Variants in MYO16 observed in about 807,000 individuals in gnomAD.
MYO16 encodes the protein unconventional myosin-XVI.
Under a neutral mutation model 205.3 loss-of-function variants are expected in MYO16, and 94 were observed. The ratio of observed to expected loss-of-function variants is 0.46; its 90% CI spans 0.39 to 0.54. MYO16 has a LOEUF of 0.54. Ranked by LOEUF, MYO16 falls within the 20% of genes least tolerant of loss-of-function variation. MYO16 has a pLI of 0.00. For synonymous variants in MYO16, 988 were observed against 954.0 expected (o/e 1.04, Z -0.66); for missense variants, 2,315 against 2,387.5 (o/e 0.97, Z 0.63).
At chr13:108,707,693 C>T (rs1883565591) in intron 2 of MYO16, among the ~76,000 whole-genome samples, 2 of 152,178 alleles carry the variant, frequency 1.3e-5, no homozygotes, top group Admixed American at 1.3e-4. Context: ...AAGTCTTTGC[C>T]ACTTACTAAT....
At chr13:108,504,767 C>T in the MYO16 span, among the ~76,000 whole-genome samples, 1 of 147,114 alleles carries the variant, frequency 6.8e-6, no homozygotes, top group African/African-American at 2.5e-5. Flanking sequence ...GATCTCTTGA[C>T]CTTGTGATCC....
intron 22 of MYO16, among the ~76,000 whole-genome samples, chr13:109,011,004 C>T (rs549132580): frequency 7.4e-6 from 1 of 135,950 alleles, no homozygotes; most frequent in African/African-American, 2.8e-5. Context: ...CTTCAGAGGA[C>T]TCCTCATGGG....
chr13:108,547,249 C>T, the MYO16 span, among the ~76,000 whole-genome samples: 2 of 147,902 alleles, frequency 1.4e-5, no homozygotes, highest in South Asian at 4.2e-4. Context: ...TCCAGCCTGG[C>T]CAACAGAGCA....
chr13:109,019,738 G>A lies in MYO16; in HGVS notation c.2623G>A (p.Asp875Asn). The change falls in exon 23 of 35, where the codon GAT (aspartate) becomes AAT (asparagine). Residue 875 changes from aspartate (D) to asparagine (N), a missense_variant. Around this residue, in one of 3 missense-constraint regions of MYO16, gnomAD observed 1,213 missense variants for 1,274.4 expected, o/e 0.95. Transcript: ENST00000457511. ...GCCATCTGGATTTCTCACCTTATTGGATGAAGAAAGTCAAATGATTTGGTC... is the reference window on the plus strand; with the variant it reads ...GCCATCTGGATTTCTCACCTTATTGAATGAAGAAAGTCAAATGATTTGGTC... ...QKPSGFLTLL[D>N]EESQMIWSVE... The A allele has an allele frequency of 1.2e-6, 2 of 1,613,972 alleles. No homozygotes were observed. The highest frequency in any genetic ancestry group is 1.7e-4 in the Middle Eastern group (1 of 6,058).
intron 23 of MYO16, among the ~76,000 whole-genome samples, chr13:109,023,772 T>G (rs189409164): frequency 3.7e-5 from 4 of 108,030 alleles, no homozygotes; most frequent in Non-Finnish European, 5.7e-5. Context: ...TATGTTTTTA[T>G]ATACATATTA....
At chr13:108,857,484 T>C (rs174488) in intron 11 of MYO16, among the ~76,000 whole-genome samples, 1 of 152,050 alleles carries the variant, frequency 6.6e-6, no homozygotes, top group South Asian at 2.1e-4. Context: ...TGGTATCAAA[T>C]GGTGAATAAG....
chr13:108,758,046 C>T (rs1475686419), intron 4 of MYO16, among the ~76,000 whole-genome samples: 1 of 152,132 alleles, frequency 6.6e-6, no homozygotes, highest in Non-Finnish European at 1.5e-5. Flanking sequence ...TCCCCTCATA[C>T]AGAGACTACA....
the MYO16 span, among the ~76,000 whole-genome samples, chr13:108,558,597 C>T: frequency 3.3e-5 from 5 of 152,202 alleles, no homozygotes; most frequent in African/African-American, 1.2e-4. Context: ...GCAGCAGAAG[C>T]CTCCTCCACT....
intron 27 of MYO16, among the ~76,000 whole-genome samples, chr13:109,060,575 A>G (rs1288785087): frequency 6.6e-6 from 1 of 152,182 alleles, no homozygotes; most frequent in African/African-American, 2.4e-5. Flanking sequence ...TAGGTGCAGC[A>G]AACCACCATG....
chr13:109,207,141 C>T lies in MYO16; in HGVS notation c.*305C>T, dbSNP rs1023924469. 2.3e-5 allele frequency: 8 copies of T among 343,088 alleles called. No homozygotes were observed. The highest frequency in any genetic ancestry group is 8.3e-5 in the African/African-American group (4 of 48,300). 21.3% of individuals were successfully genotyped at this position (343,088 alleles called of 1,614,324 possible). Reference sequence around the variant, plus strand: ...GGGAAAAGTGTGGACGTGGCCAGAGCGAGAGAGTAGCGGAGGAAAGGAGCA... The same window carrying T: ...GGGAAAAGTGTGGACGTGGCCAGAGTGAGAGAGTAGCGGAGGAAAGGAGCA... On this transcript the variant is annotated 3_prime_UTR_variant, in exon 35 of 35. Coordinates refer to ENST00000457511, the MANE Select transcript of MYO16 (RefSeq NM_001198950.3).
At chr13:108,806,864 T>C (rs924291194) in intron 7 of MYO16, 60 bp downstream of exon 7, 4 of 1,208,510 alleles carry the variant, frequency 3.3e-6, no homozygotes, top group Non-Finnish European at 4.4e-6. Context: ...AATAATTTCA[T>C]ATTCAATTTT....
chr13:108,504,879 G>A, the MYO16 span, among the ~76,000 whole-genome samples: 4 of 152,092 alleles, frequency 2.6e-5, no homozygotes. Flanking sequence ...GACTCTTCTA[G>A]GTACTTCATG....
At chr13:109,165,120 G>T in intron 33 of MYO16, 61 bp downstream of exon 33, 1 of 1,269,902 alleles carries the variant, frequency 7.9e-7, no homozygotes, top group East Asian at 2.6e-5. Flanking sequence ...TCAACTTTCT[G>T]GGAGGAATGG....
chr13:108,923,562 T>A lies in MYO16; in HGVS notation c.1925+13412T>A, dbSNP rs572672175. Among the ~76,000 whole-genome samples the A allele has an allele frequency of 9.8e-5, 15 of 152,334 alleles. No individual in the cohort carries two copies. The South Asian group carries it at 3.1e-3, about 32-fold the overall frequency. On this transcript the variant is annotated intron_variant, in intron 16 of 34. Coordinates refer to ENST00000457511, the MANE Select transcript of MYO16 (RefSeq NM_001198950.3). ...GAGGGAACACCAGCTCGGGCTGGTA[T>A]GGCCAACCCGCTGGCCAGCGCCTCA...
chr13:108,882,303 A>G (rs1879653452), intron 12 of MYO16, among the ~76,000 whole-genome samples: 1 of 152,230 alleles, frequency 6.6e-6, no homozygotes, highest in African/African-American at 2.4e-5. Context: ...CCATAGAGCT[A>G]GAGATTCAGG....
the MYO16 span, among the ~76,000 whole-genome samples, chr13:108,580,156 A>G: frequency 6.6e-6 from 1 of 152,234 alleles, no homozygotes; most frequent in East Asian, 1.9e-4. Flanking sequence ...GTTTGCACAT[A>G]CTGAAACACT....
chr13:108,793,640 G>T lies in MYO16; in HGVS notation c.741G>T (p.Leu247=). The part of the protein sequence containing the change: ...VNEKNDEGVT[L]LHMACASGYK... ...AGAAAAACGATGAAGGAGTAACCCT[G>T]GTAAGTTCATATATTTGACTCAGAA... Residue 247 remains leucine, a splice_region_variant and synonymous_variant, in exon 6 of 35, where the codon CTG becomes CTT. Coordinates refer to ENST00000457511, the MANE Select transcript of MYO16 (RefSeq NM_001198950.3). The T allele has an allele frequency of 6.2e-7, 1 of 1,611,804 alleles. No homozygotes were observed. The highest frequency in any genetic ancestry group is 1.1e-5 in the South Asian group (1 of 90,774).
intron 6 of MYO16, among the ~76,000 whole-genome samples, chr13:108,805,335 A>T (rs1887081872): frequency 6.6e-6 from 1 of 152,226 alleles, no homozygotes; most frequent in Non-Finnish European, 1.5e-5. Context: ...CTGAGTTACA[A>T]GAAATAAACA....
chr13:108,883,070 G>A lies in MYO16; in HGVS notation c.1437G>A (p.Leu479=), dbSNP rs1364905912. ...GCCCTGTTTTCCAGGTGTCCCAGCT[G>A]TATTTCAGCTCCTCAGGGAAGCTGT... ...LPIYSSMVSQ[L]YFSSSGKLCS... Residue 479 remains leucine, a synonymous_variant, in exon 13 of 35, where the codon CTG becomes CTA. Coordinates refer to ENST00000457511, the MANE Select transcript of MYO16 (RefSeq NM_001198950.3). 6.2e-7 allele frequency: 1 copy of A among 1,613,860 alleles called. No individual in the cohort carries two copies. Among genetic ancestry groups the A allele is most frequent in the Non-Finnish European group, 8.5e-7 (1 of 1,179,900 alleles).
Sources: allele counts gnomAD v4.1 joint callset (sites outside exome capture counted in the v4.1 genomes callset), GRCh38; gene constraint gnomAD v4.1.1; regional missense constraint gnomAD v4.1.1; transcripts MANE v1.5; gene names NCBI Gene and HGNC (gene_info 2026-07-23, HGNC 2026-07-21).